Variants in VPS35L observed in about 807,000 individuals in gnomAD.
VPS35L encodes VPS35 endosomal protein sorting factor like, also known as VPS35 endosomal protein-sorting factor-like.
In VPS35L, 83 loss-of-function variants were observed where a neutral mutation model predicts 133.0. The ratio of observed to expected loss-of-function variants is 0.62; its 90% CI spans 0.52 to 0.75. The LOEUF is 0.75. VPS35L is among the 30% of genes least tolerant of loss of function. The pLI, the probability that VPS35L is intolerant of heterozygous loss-of-function variation, is 0.00. For missense variants in VPS35L, 1,083 were observed against 1,206.8 expected (o/e 0.90, Z 1.52); for synonymous variants, 423 against 449.9 (o/e 0.94, Z 0.76).
At chr16:19,558,999 A>G (rs1970945968) in intron 1 of VPS35L, among the ~76,000 whole-genome samples, 1 of 151,818 alleles carries the variant, frequency 6.6e-6, no homozygotes, top group South Asian at 2.1e-4. Flanking sequence ...GTAGCGGTGA[A>G]GGGGGCTGGG....
intron 1 of VPS35L, among the ~76,000 whole-genome samples, chr16:19,564,312 C>T (rs1035733893): frequency 2.0e-5 from 3 of 150,612 alleles, no homozygotes; most frequent in Non-Finnish European, 3.0e-5. Context: ...CTCCTGACCT[C>T]GTGATCCGCC....
Position 19,694,344 on chromosome 16 carries a change from T to C in VPS35L, c.2646+2873T>C, listed in dbSNP as rs1351301576. 3.3e-5 allele frequency: 5 copies of C among 152,350 alleles called. No homozygotes were observed. In the South Asian group the frequency reaches 8.3e-4, roughly 25 times the overall value. The allele number at this position is 152,350 out of a possible 1,614,324, so 9.4% of individuals were successfully genotyped here. A position where few individuals can be genotyped will look rare whatever the true frequency, so the allele number is the denominator to read the frequency against. On this transcript the variant is annotated intron_variant, in intron 29 of 30. Transcript: ENST00000417362. Reference sequence around the variant, plus strand: ...TGCACAAACACTCAGCAAGGGTTCATACCTCTTCCGTTTTCTGTGTAGATG... The same window carrying C: ...TGCACAAACACTCAGCAAGGGTTCACACCTCTTCCGTTTTCTGTGTAGATG...
chr16:19,625,561 G>A (rs1267454212), intron 14 of VPS35L, among the ~76,000 whole-genome samples: 1 of 152,154 alleles, frequency 6.6e-6, no homozygotes, highest in African/African-American at 2.4e-5. Context: ...ATAAGGACAA[G>A]GAGACCCAGG....
At position 19,628,717 on chromosome 16, in the gene VPS35L, A is replaced by C; in HGVS notation, c.1464A>C (p.Glu488Asp). ...PESDRLQILNEAWKVITKLKN... is the reference protein window; with the variant it reads ...PESDRLQILNDAWKVITKLKN... ...GTGACCGACTTCAGATTCTCAACGA[A>C]GCTTGGAAAGTCATCACTAAGCTGA... The change falls in exon 17 of 31, where the codon GAA becomes GAC. Residue 488 changes from glutamate (E) to aspartate (D), a missense_variant. Transcript: ENST00000417362. 3 of 1,593,844 alleles carry C rather than the reference A, an allele frequency of 1.9e-6. No individual in the cohort carries two copies. Among genetic ancestry groups the C allele is most frequent in the Non-Finnish European group, 2.6e-6 (3 of 1,167,058 alleles).
intron 14 of VPS35L, among the ~76,000 whole-genome samples, chr16:19,624,103 A>C (rs1430503333): frequency 8.0e-6 from 1 of 125,482 alleles, no homozygotes; most frequent in African/African-American, 3.0e-5. Flanking sequence ...CGTGCCTACC[A>C]GGTCTTTTTT....
At position 19,700,715 on chromosome 16, in the gene VPS35L, A is replaced by G. The variant is rs983212820; in HGVS notation, c.*239A>G. ...GCAGTCTCTGTGTTGTCTTTGCACA[A>G]GTGGCCTTCGGTCTACTCAGCCCGA... On this transcript the variant is annotated 3_prime_UTR_variant, in exon 31 of 31. Coordinates refer to ENST00000417362, the MANE Select transcript of VPS35L (RefSeq NM_020314.7). The G allele has an allele frequency of 6.2e-6, 3 of 481,928 alleles. No homozygotes were observed. The highest frequency in any genetic ancestry group is 5.8e-5 in the African/African-American group (3 of 52,164). 29.9% of individuals were successfully genotyped at this position (481,928 alleles called of 1,614,324 possible).
intron 29 of VPS35L, among the ~76,000 whole-genome samples, chr16:19,696,190 T>G (rs1975904753): frequency 6.6e-6 from 1 of 152,172 alleles, no homozygotes; most frequent in Admixed American, 6.5e-5. Context: ...GGCTATCCTT[T>G]GTTTTAATGG....
At chr16:19,666,975 C>CCTTT (rs1190339337) in intron 26 of VPS35L, among the ~76,000 whole-genome samples, 1 of 76,758 alleles carries the variant, frequency 1.3e-5, no homozygotes, top group Non-Finnish European at 3.1e-5. Flanking sequence ...TTCCTTTCTT[C>CCTTT]CTTTCTTTCT....
chr16:19,570,834 C>CATACATATATAT (rs1971340034), intron 3 of VPS35L, among the ~76,000 whole-genome samples: 3 of 78,806 alleles, frequency 3.8e-5, no homozygotes, highest in Non-Finnish European at 8.3e-5. Flanking sequence ...TGCTGTGTTT[C>CATACATATATAT]ATATATATAT....
intron 3 of VPS35L, among the ~76,000 whole-genome samples, chr16:19,570,869 ATATATATATATATATATATATT>A (rs1163865440): frequency 1.2e-3 from 89 of 72,848 alleles, no homozygotes; most frequent in African/African-American, 7.2e-3. Flanking sequence ...ATATATATAT[ATATATATATATATATATATATT>A]TTTGAGATGA....
intron 7 of VPS35L, among the ~76,000 whole-genome samples, chr16:19,586,132 T>C (rs895233871): frequency 6.6e-6 from 1 of 152,168 alleles, no homozygotes; most frequent in Non-Finnish European, 1.5e-5. Context: ...ACTCCTGTGC[T>C]CAAGCGATCC....
At chr16:19,590,281 A>G (rs1258571955) in intron 7 of VPS35L, among the ~76,000 whole-genome samples, 1 of 152,072 alleles carries the variant, frequency 6.6e-6, no homozygotes, top group Non-Finnish European at 1.5e-5. Flanking sequence ...ACAACACCAA[A>G]CTGAAAACAC....
At chr16:19,599,453 T>C (rs226857) in intron 8 of VPS35L, among the ~76,000 whole-genome samples, 43,150 of 151,912 alleles carry the variant, frequency 0.28, 6,781 homozygotes, top group East Asian at 0.41. Context: ...CCTAAATCAG[T>C]GGTTCTCACA....
chr16:19,571,169 C>G (rs1374157394), intron 3 of VPS35L, among the ~76,000 whole-genome samples: 4 of 151,960 alleles, frequency 2.6e-5, no homozygotes, highest in African/African-American at 9.7e-5. Flanking sequence ...CTGTGCCCGG[C>G]CTGTGTTTCA....
chr16:19,662,144 A>G (rs540373480), intron 26 of VPS35L, among the ~76,000 whole-genome samples: 13 of 152,178 alleles, frequency 8.5e-5, no homozygotes, highest in African/African-American at 3.1e-4. Flanking sequence ...TCGAGGCAGG[A>G]GTGAGCTATG....
intron 14 of VPS35L, among the ~76,000 whole-genome samples, chr16:19,625,009 G>A (rs1184042282): frequency 6.6e-6 from 1 of 151,768 alleles, no homozygotes; most frequent in Non-Finnish European, 1.5e-5. Flanking sequence ...AAAAACAGGA[G>A]CTCTTTTAAA....
At position 19,591,783 on chromosome 16, in the gene VPS35L, T is replaced by C. The variant is rs1224342497; in HGVS notation, c.640-7T>C. On this transcript the variant is annotated splice_polypyrimidine_tract_variant and splice_region_variant and intron_variant, in intron 7 of 30. Coordinates refer to ENST00000417362, the MANE Select transcript of VPS35L (RefSeq NM_020314.7). Reference sequence around the variant, plus strand: ...AGTGAATTTTCTCTTTTTTTCTCTTTTTTTAGTGTTCAAAGCTTCTTTCAG... The same window carrying C: ...AGTGAATTTTCTCTTTTTTTCTCTTCTTTTAGTGTTCAAAGCTTCTTTCAG... 1.2e-6 allele frequency: 2 copies of C among 1,607,698 alleles called. No individual in the cohort carries two copies. The highest frequency in any genetic ancestry group is 1.3e-5 in the African/African-American group (1 of 74,732).
intron 1 of VPS35L, among the ~76,000 whole-genome samples, chr16:19,559,918 C>T (rs1349383052): frequency 1.3e-5 from 2 of 152,118 alleles, no homozygotes; most frequent in South Asian, 2.1e-4. Flanking sequence ...GAACTCCTGA[C>T]CTCAGGTGAC....
intron 26 of VPS35L, among the ~76,000 whole-genome samples, chr16:19,653,139 G>C (rs996010766): frequency 6.6e-6 from 1 of 152,192 alleles, no homozygotes; most frequent in African/African-American, 2.4e-5. Flanking sequence ...GTCATTGACA[G>C]AGTGCTGCTT....
Sources: gnomAD v4.1 joint callset for allele counts (sites outside exome capture counted in the v4.1 genomes callset) on GRCh38, gnomAD v4.1.1 for gene constraint, MANE v1.5 for transcripts, NCBI Gene and HGNC (gene_info 2026-07-23, HGNC 2026-07-21) for gene names.